CHN1: variants seen among roughly 807,000 people sequenced by gnomAD.
CHN1 encodes the protein N-chimaerin.
Under a neutral mutation model 59.5 loss-of-function variants are expected in CHN1, and 37 were observed. The observed-to-expected ratio is 0.62, with a 90% CI of 0.48 to 0.82. CHN1 has a LOEUF of 0.82. CHN1 is among the 40% of genes least tolerant of loss of function. The pLI is 0.00. For synonymous variants in CHN1, 206 were observed against 200.4 expected (o/e 1.03, Z -0.24); for missense variants, 469 against 571.0 (o/e 0.82, Z 1.82).
chr2:174,838,876 GTT>G, intron 7 of CHN1, among the ~76,000 whole-genome samples: 1 of 151,870 alleles, frequency 6.6e-6, no homozygotes, highest in African/African-American at 2.4e-5. Context: ...TGTGGTGTGT[GTT>G]TGGTGGTGGG....
intron 5 of CHN1, among the ~76,000 whole-genome samples, chr2:174,894,345 A>G (rs1256881746): frequency 6.6e-6 from 1 of 152,202 alleles, no homozygotes; most frequent in Non-Finnish European, 1.5e-5. Context: ...GAAGATATAC[A>G]AATGACAAAC....
chr2:174,871,609 C>G (rs539463901), intron 6 of CHN1, among the ~76,000 whole-genome samples: 1 of 152,236 alleles, frequency 6.6e-6, no homozygotes, highest in South Asian at 2.1e-4. Context: ...AATCAGTTTT[C>G]TCATCTACAA....
chr2:174,803,302 C>A (rs1374434030), intron 11 of CHN1, among the ~76,000 whole-genome samples: 1 of 152,162 alleles, frequency 6.6e-6, no homozygotes, highest in Non-Finnish European at 1.5e-5. Flanking sequence ...AGAAACTGAA[C>A]AATGACTGAA....
At chr2:174,888,409 C>T (rs772805295) in intron 5 of CHN1, among the ~76,000 whole-genome samples, 17 of 152,124 alleles carry the variant, frequency 1.1e-4, no homozygotes, top group Admixed American at 5.2e-4. Flanking sequence ...AACCATAAGG[C>T]GGCGATTGTA....
intron 3 of CHN1, among the ~76,000 whole-genome samples, chr2:174,919,254 T>C (rs1051877162): frequency 3.3e-5 from 5 of 151,828 alleles, no homozygotes; most frequent in African/African-American, 1.2e-4. Context: ...AAAAAGAAAA[T>C]AGAAAGTAAG....
At chr2:174,956,266 A>G (rs1339499091) in intron 1 of CHN1, among the ~76,000 whole-genome samples, 1 of 152,222 alleles carries the variant, frequency 6.6e-6, no homozygotes, top group African/African-American at 2.4e-5. Context: ...AATCAGAAGG[A>G]AAGATAAAGA....
chr2:174,956,493 G>A (rs537090108), intron 1 of CHN1, among the ~76,000 whole-genome samples: 11 of 152,242 alleles, frequency 7.2e-5, no homozygotes, highest in Admixed American at 3.9e-4. Context: ...ATAACAGGCC[G>A]GGCGTGGTGG....
intron 5 of CHN1, among the ~76,000 whole-genome samples, chr2:174,892,005 G>A (rs1688067027): frequency 6.6e-6 from 1 of 152,078 alleles, no homozygotes; most frequent in South Asian, 2.1e-4. Context: ...ACCTAAAAAT[G>A]AATTAATTCA....
At chr2:174,934,504 A>G (rs1689440422) in intron 3 of CHN1, among the ~76,000 whole-genome samples, 2 of 152,168 alleles carry the variant, frequency 1.3e-5, no homozygotes, top group Admixed American at 6.5e-5. Context: ...CCAGTTCCTA[A>G]CAGGCCACAA....
chr2:174,939,074 A>G (rs1404711014), intron 3 of CHN1, among the ~76,000 whole-genome samples: 1 of 152,180 alleles, frequency 6.6e-6, no homozygotes, highest in African/African-American at 2.4e-5. Flanking sequence ...GCCTGCTTTT[A>G]ACCAAAGGAG....
intron 11 of CHN1, among the ~76,000 whole-genome samples, chr2:174,804,669 T>G (rs1684831384): frequency 6.6e-6 from 1 of 152,180 alleles, no homozygotes; most frequent in African/African-American, 2.4e-5. Context: ...GAAGGATGCA[T>G]GAGAAACAGA....
chr2:174,884,131 C>A (rs1558966392), intron 5 of CHN1, among the ~76,000 whole-genome samples: 1 of 151,588 alleles, frequency 6.6e-6, no homozygotes, highest in Non-Finnish European at 1.5e-5. Flanking sequence ...ACCATGCCTG[C>A]CTAATTTTTT....
At chr2:174,917,598 T>C (rs960675722) in intron 4 of CHN1, among the ~76,000 whole-genome samples, 2 of 152,106 alleles carry the variant, frequency 1.3e-5, no homozygotes, top group African/African-American at 4.8e-5. Flanking sequence ...TCATATGATA[T>C]GGTGTTACTT....
At chr2:174,989,020 C>T (rs1691450649) in intron 1 of CHN1, among the ~76,000 whole-genome samples, 1 of 152,138 alleles carries the variant, frequency 6.6e-6, no homozygotes, top group Non-Finnish European at 1.5e-5. Flanking sequence ...TCTCAATCTG[C>T]TAAAAGTCCT....
chr2:174,996,856 C>G (rs1355148753), intron 1 of CHN1, among the ~76,000 whole-genome samples: 1 of 152,164 alleles, frequency 6.6e-6, no homozygotes, highest in Non-Finnish European at 1.5e-5. Context: ...TGCTTCAAAG[C>G]CTGCTCCATG....
rs1394285412 is a variant in CHN1, at chr2:174,917,747, CAT to C, written c.146+785_146+786del. Among the ~76,000 whole-genome samples, 6 of 151,964 alleles carry C rather than the reference CAT, an allele frequency of 3.9e-5. 1 individual carries two copies. In the East Asian group the frequency reaches 9.6e-4, roughly 24 times the overall value. ...GTAATCCATTTCTAAGTCTTGAAAA[CAT>C]AAAGAATTTTAAATAATTTAAAAAT... On this transcript the variant is annotated intron_variant, in intron 4 of 12. Transcript: ENST00000409900.
intron 5 of CHN1, among the ~76,000 whole-genome samples, chr2:174,892,131 A>C (rs1020052826): frequency 5.9e-5 from 9 of 152,240 alleles, no homozygotes; most frequent in African/African-American, 2.2e-4. Context: ...AGAAAAGGAC[A>C]GGACCAGATG....
intron 1 of CHN1, among the ~76,000 whole-genome samples, chr2:175,003,926 C>T (rs1464094808): frequency 6.6e-5 from 10 of 152,186 alleles, no homozygotes; most frequent in Admixed American, 5.2e-4. Context: ...CCTCAAAAAG[C>T]ATTTGAGGTA....
intron 1 of CHN1, among the ~76,000 whole-genome samples, chr2:174,952,539 G>A (rs536976189): frequency 2.0e-3 from 310 of 152,244 alleles, no homozygotes; most frequent in Non-Finnish European, 2.5e-3. Flanking sequence ...TTATTTCACT[G>A]AAAGATCCCT....
Sources: gnomAD v4.1 joint callset for allele counts (sites outside exome capture counted in the v4.1 genomes callset) on GRCh38, gnomAD v4.1.1 for gene constraint, MANE v1.5 for transcripts, NCBI Gene and HGNC (gene_info 2026-07-23, HGNC 2026-07-21) for gene names.